The following CYFIP2 variants were observed in gnomAD, a reference collection of about 807,000 sequenced individuals.
The protein encoded by CYFIP2 is cytoplasmic FMR1-interacting protein 2.
A neutral mutation model predicts 158.7 loss-of-function variants in CYFIP2; 29 were observed. The ratio of observed to expected loss-of-function variants is 0.18; its 90% confidence interval spans 0.14 to 0.25. The LOEUF is 0.25. Ranked by LOEUF, CYFIP2 falls within the 10% of genes least tolerant of loss-of-function variation. The pLI is 1.00. For missense variants in CYFIP2, 852 were observed against 1,639.5 expected, an observed-to-expected ratio of 0.52 and a Z score of 8.29; for synonymous variants, 585 against 617.6, an observed-to-expected ratio of 0.95 and a Z score of 0.78.
In CYFIP2 at chr5:157,285,389, G is replaced by A; in HGVS notation, c.28G>A (p.Ala10Thr). MTTHVTLEDALSNVDLLEEL... is the reference protein window; with the variant it reads MTTHVTLEDTLSNVDLLEEL... ...GACCACGCACGTCACCCTGGAAGAT[G>A]CCCTGTCCAACGTGGACCTGCTTGA... The change falls in exon 2 of 31, where the codon GCC becomes ACC. Residue 10 changes from alanine to threonine, a missense_variant. Ala to Thr is a moderately conservative substitution (Grantham distance 58, BLOSUM62 0). Coordinates refer to ENST00000620254, the MANE Select transcript of CYFIP2 (RefSeq NM_001037333.3). 1 of 1,576,820 alleles carries A rather than the reference G, an allele frequency of 6.3e-7. No homozygotes were observed. The highest frequency in any genetic ancestry group is 8.6e-7 in the Non-Finnish European group (1 of 1,161,452).
At chr5:157,343,658 TACAG>T (rs1394054692) in intron 23 of CYFIP2, 3 of 838,144 alleles carry the variant, frequency 3.6e-6, no homozygotes, top group African/African-American at 3.4e-5. Flanking sequence ...GCCCTCATCT[TACAG>T]ACAAAGAAAT....
At chr5:157,310,587 C>T (rs923139293) in intron 10 of CYFIP2, among the ~76,000 whole-genome samples, 1 of 152,208 alleles carries the variant, frequency 6.6e-6, no homozygotes, top group African/African-American at 2.4e-5. Context: ...TAGCGCGTGA[C>T]GGGGTTTTGC....
At chr5:157,323,372 G>A (rs1013354677) in intron 15 of CYFIP2, among the ~76,000 whole-genome samples, 19 of 152,154 alleles carry the variant, frequency 1.2e-4, no homozygotes, top group African/African-American at 4.3e-4. Flanking sequence ...GAGGGGGTTC[G>A]TTCTGATCTT....
rs73815871 is a variant in CYFIP2, at chr5:157,367,617, C to G, written c.3039+6019C>G. Among the ~76,000 whole-genome samples the G allele has an allele frequency of 7.6e-3, 1,159 of 152,258 alleles. 21 individuals carry two copies. The highest frequency in any genetic ancestry group is 0.027 in the African/African-American group (1,103 of 41,544). The stretch of plus-strand genomic sequence containing the variant: ...TCCATCTCCACATCTGACCTTCTGT[C>G]TCCTACTTCTACCTTTTAATGTCTT... On this transcript the variant is annotated intron_variant, in intron 26 of 30. Coordinates refer to ENST00000620254, the MANE Select transcript of CYFIP2 (RefSeq NM_001037333.3).
chr5:157,339,685 A>G (rs924650629), intron 22 of CYFIP2, among the ~76,000 whole-genome samples: 8 of 152,256 alleles, frequency 5.3e-5, no homozygotes, highest in South Asian at 4.1e-4. Context: ...CAGTGGTAAC[A>G]GTACCACCTA....
chr5:157,359,870 CCAG>C lies in CYFIP2; in HGVS notation c.2818-411_2818-409del, dbSNP rs1360866214. 1.7e-4 allele frequency among the ~76,000 whole-genome samples: 26 copies of C among 152,274 alleles called. 1 individual carries two copies. Among genetic ancestry groups the C allele is most frequent in the African/African-American group, 4.8e-4 (20 of 41,568 alleles). On this transcript the variant is annotated intron_variant, in intron 24 of 30. Coordinates refer to ENST00000620254, the MANE Select transcript of CYFIP2 (RefSeq NM_001037333.3). ...GTTGTTACAGATTGTGGAGCTAAAT[CCAG>C]AGTAAAACAAGAAAATGTGGTAATT... is the stretch of plus-strand genomic sequence containing the variant.
At chr5:157,309,564 A>G (rs1159267491) in intron 9 of CYFIP2, among the ~76,000 whole-genome samples, 179 bp from the exon 10 acceptor site, 1 of 152,140 alleles carries the variant, frequency 6.6e-6, no homozygotes, top group East Asian at 1.9e-4. Context: ...GGGAGGACCT[A>G]TACGCTGGCT....
intron 23 of CYFIP2, chr5:157,342,957 G>A: frequency 6.2e-7 from 1 of 1,614,226 alleles, no homozygotes; most frequent in Middle Eastern, 1.6e-4. Flanking sequence ...TCGGGATCCA[G>A]TTCAGCTCCA....
At chr5:157,320,248 G>A (rs1341514854) in intron 14 of CYFIP2, among the ~76,000 whole-genome samples, 1 of 152,184 alleles carries the variant, frequency 6.6e-6, no homozygotes, top group Non-Finnish European at 1.5e-5. Flanking sequence ...ATAGACCTAA[G>A]CACATGCAGC....
In CYFIP2 at chr5:157,392,886, G is replaced by A. The variant is rs774738432; in HGVS notation, c.3648G>A (p.Glu1216=). 22 of 1,613,822 alleles carry A rather than the reference G, an allele frequency of 1.4e-5. No homozygotes were observed. Among genetic ancestry groups the A allele is most frequent in the Non-Finnish European group, 1.8e-5 (21 of 1,179,890 alleles). ...GGAAGTATCAGATCTTGAACAATGAGGTTTTTGCCATCCTGAACAAATACA... is the reference window on the plus strand; with the variant it reads ...GGAAGTATCAGATCTTGAACAATGAAGTTTTTGCCATCCTGAACAAATACA... ...RIRKYQILNN[E]VFAILNKYMK... Residue 1216 remains glutamate, a synonymous_variant, in exon 31 of 31, where the codon GAG becomes GAA. Transcript: ENST00000620254.
At position 157,383,312 on chromosome 5, in the gene CYFIP2, G is replaced by GC; in HGVS notation, c.3164dup (p.Leu1056AlafsTer23). On this transcript the variant is annotated frameshift_variant, in exon 28 of 31. Coordinates refer to ENST00000620254, the MANE Select transcript of CYFIP2 (RefSeq NM_001037333.3). LOFTEE classifies it high-confidence loss of function. ...GATGAAACGTCTGGAAGCCAAGTAT[G>GC]CCCCGCTCCACCTGGTCCCTCTGAT... 1 of 1,613,916 alleles carries GC rather than the reference G, an allele frequency of 6.2e-7. No individual in the cohort carries two copies. The highest frequency in any genetic ancestry group is 2.2e-5 in the East Asian group (1 of 44,876).
chr5:157,302,905 C>A lies in CYFIP2; in HGVS notation c.666+15C>A. 6.4e-7 allele frequency: 1 copy of A among 1,556,942 alleles called. No individual in the cohort carries two copies. Among genetic ancestry groups the A allele is most frequent in the Non-Finnish European group, 8.7e-7 (1 of 1,149,080 alleles). On this transcript the variant is annotated intron_variant, in intron 7 of 30. Coordinates refer to ENST00000620254, the MANE Select transcript of CYFIP2 (RefSeq NM_001037333.3). ...GGATCACCCAGGTGAGGGCAGACTC[C>A]TTGTTAGGCCTGGCCTGATGTCTCG...
At position 157,392,972 on chromosome 5, in the gene CYFIP2, T is replaced by G; in HGVS notation, c.3734T>G (p.Ile1245Ser). The change falls in exon 31 of 31, where the codon ATC (isoleucine) becomes AGC (serine). Residue 1245 changes from isoleucine to serine, a missense_variant. Ile to Ser is a moderately radical substitution (Grantham distance 142). Around this residue, in one of 8 missense-constraint regions of CYFIP2, gnomAD observed 223 missense variants for 381.6 expected, o/e 0.58. Coordinates refer to ENST00000620254, the MANE Select transcript of CYFIP2 (RefSeq NM_001037333.3). ...CATGTGCGCTGCTTCCAGCCACCCATCCACCAGTCCTTGGCCACCACTTGC... is the reference window on the plus strand; with the variant it reads ...CATGTGCGCTGCTTCCAGCCACCCAGCCACCAGTCCTTGGCCACCACTTGC... ...VEHVRCFQPP[I>S]HQSLATTC is the part of the protein sequence containing the mutation. The G allele has an allele frequency of 6.2e-7, 1 of 1,613,840 alleles. No individual in the cohort carries two copies. Among genetic ancestry groups the G allele is most frequent in the Non-Finnish European group, 8.5e-7 (1 of 1,179,834 alleles).
At chr5:157,276,074 A>G (rs989956904) in intron 1 of CYFIP2, among the ~76,000 whole-genome samples, 5 of 152,228 alleles carry the variant, frequency 3.3e-5, no homozygotes, top group African/African-American at 7.2e-5. Flanking sequence ...TTCTATAACA[A>G]GACTATGTTA....
intron 26 of CYFIP2, chr5:157,375,765 T>C (rs1202508361): frequency 6.6e-6 from 1 of 151,982 alleles, no homozygotes; most frequent in Non-Finnish European, 1.5e-5. Flanking sequence ...TAAGCCTTAG[T>C]TTCCACGCCT....
At chr5:157,336,189 C>A (rs1008482924) in intron 21 of CYFIP2, among the ~76,000 whole-genome samples, 13 of 152,148 alleles carry the variant, frequency 8.5e-5, no homozygotes, top group Admixed American at 2.6e-4. Flanking sequence ...GATGGGGAGG[C>A]AACTTGATTC....
In CYFIP2 at chr5:157,316,386, C is replaced by T. The variant is rs1760150234; in HGVS notation, c.1356+1292C>T. Among the ~76,000 whole-genome samples the T allele has an allele frequency of 2.0e-5, 3 of 152,164 alleles. No homozygotes were observed. In the South Asian group the frequency reaches 6.2e-4, roughly 32 times the overall value. On this transcript the variant is annotated intron_variant, in intron 13 of 30. Transcript: ENST00000620254. ...CAGAACAGCATATAAAATGATTCCA[C>T]TTATACCAAAATATAATATACTTTT...
At chr5:157,281,874 A>G (rs1580963677) in intron 1 of CYFIP2, among the ~76,000 whole-genome samples, 1 of 151,546 alleles carries the variant, frequency 6.6e-6, no homozygotes. Context: ...TTGCCTTTCC[A>G]TTGTTTGTTT....
chr5:157,391,833 C>T (rs59666316), intron 30 of CYFIP2, among the ~76,000 whole-genome samples: 49,683 of 151,792 alleles, frequency 0.33, 8,486 homozygotes, highest in East Asian at 0.68. Flanking sequence ...CTATGTTTAA[C>T]TTTTTAGAAA....
Sources: allele counts gnomAD v4.1 joint callset (sites outside exome capture counted in the v4.1 genomes callset), GRCh38; gene constraint gnomAD v4.1.1; regional missense constraint gnomAD v4.1.1; transcripts MANE v1.5; gene names NCBI Gene and HGNC (gene_info 2026-07-23, HGNC 2026-07-21).